TSPAN7: variants seen among roughly 807,000 people sequenced by gnomAD.
The protein encoded by TSPAN7 is tetraspanin-7.
Under a neutral mutation model 17.6 loss-of-function variants are expected in TSPAN7, and 1 was observed. The ratio of observed to expected loss-of-function variants is 0.06; its 90% CI spans 0.02 to 0.27. The LOEUF (loss-of-function observed/expected upper bound fraction) is 0.27. Among genes scored for constraint, TSPAN7 ranks in the 10% least tolerant of loss-of-function variants. TSPAN7 has a pLI of 1.00. For synonymous variants in TSPAN7, 78 were observed against 79.0 expected, an observed-to-expected ratio of 0.99 and a Z score of 0.07; for missense variants, 112 against 201.7, an observed-to-expected ratio of 0.56 and a Z score of 2.69.
chrX:38,584,237 G>A, intron 1 of TSPAN7, among the ~76,000 whole-genome samples: 1 of 110,965 alleles, frequency 9.0e-6, no homozygotes, highest in East Asian at 2.8e-4. Flanking sequence ...ATGGGCATGA[G>A]CCACAGCGCC....
At chrX:38,628,101 C>A (rs1052630702) in intron 1 of TSPAN7, among the ~76,000 whole-genome samples, 22 of 112,943 alleles carry the variant, frequency 1.9e-4, no homozygotes, top group African/African-American at 6.4e-4. Context: ...CTATTGTTTT[C>A]TCCTGAGCAA....
intron 5 of TSPAN7, among the ~76,000 whole-genome samples, chrX:38,680,740 T>G (rs745740868): frequency 9.0e-6 from 1 of 111,678 alleles, no homozygotes; most frequent in African/African-American, 3.3e-5. Context: ...TCATCATTCA[T>G]TGTCAAAATG....
At chrX:38,639,220 T>A (rs1288509254) in intron 1 of TSPAN7, among the ~76,000 whole-genome samples, 14 of 110,440 alleles carry the variant, frequency 1.3e-4, no homozygotes, top group African/African-American at 3.6e-4. Flanking sequence ...TTACTTTACA[T>A]TATTTCATCT....
chrX:38,659,001 T>TACAC (rs71903430), intron 1 of TSPAN7, among the ~76,000 whole-genome samples: 34 of 96,187 alleles, frequency 3.5e-4, no homozygotes, highest in African/African-American at 1.3e-3. Flanking sequence ...TTATCTTCCA[T>TACAC]ACACACACAC....
intron 1 of TSPAN7, among the ~76,000 whole-genome samples, chrX:38,591,958 T>C (rs747689744): frequency 1.8e-4 from 20 of 112,066 alleles, no homozygotes; most frequent in African/African-American, 6.5e-4. Context: ...TTCCACAGGC[T>C]GCATAGGAAG....
At chrX:38,599,376 A>T (rs749856517) in intron 1 of TSPAN7, among the ~76,000 whole-genome samples, 7 of 110,591 alleles carry the variant, frequency 6.3e-5, no homozygotes, top group South Asian at 3.8e-4. Context: ...ACACTTATTT[A>T]AAAAAAAATC....
chrX:38,581,500 C>G (rs370895174), intron 1 of TSPAN7, among the ~76,000 whole-genome samples: 3 of 111,253 alleles, frequency 2.7e-5, no homozygotes, highest in South Asian at 3.9e-4. Context: ...AAAGACCCCC[C>G]CCTCATGATT....
At chrX:38,562,621 T>C (rs1312909309) in intron 1 of TSPAN7, among the ~76,000 whole-genome samples, 5 of 109,860 alleles carry the variant, frequency 4.6e-5, no homozygotes. Context: ...CCTTACCTCA[T>C]CCTGTTTGGC....
intron 1 of TSPAN7, among the ~76,000 whole-genome samples, chrX:38,627,284 T>C (rs1344487617): frequency 1.8e-5 from 2 of 111,290 alleles, no homozygotes; most frequent in Non-Finnish European, 3.8e-5. Flanking sequence ...ACTTGTAAGT[T>C]AAGCCAGTGT....
intron 1 of TSPAN7, among the ~76,000 whole-genome samples, chrX:38,583,388 G>A (rs995532651): frequency 8.9e-6 from 1 of 111,870 alleles, no homozygotes; most frequent in Non-Finnish European, 1.9e-5. Context: ...TAGTACTCAT[G>A]TTGTATCGTA....
chrX:38,641,949 C>G (rs2069614556), intron 1 of TSPAN7, among the ~76,000 whole-genome samples: 1 of 112,228 alleles, frequency 8.9e-6, no homozygotes, highest in Non-Finnish European at 1.9e-5. Context: ...CTGCTACTGC[C>G]TCTTCATTTT....
intron 2 of TSPAN7, among the ~76,000 whole-genome samples, chrX:38,668,614 G>A (rs1289564582): frequency 3.6e-5 from 4 of 111,785 alleles, no homozygotes; most frequent in Admixed American, 9.5e-5. Context: ...TCATGTTGTC[G>A]CAAGTGACAG....
intron 1 of TSPAN7, among the ~76,000 whole-genome samples, chrX:38,575,198 A>G (rs1329166699): frequency 4.5e-5 from 5 of 110,956 alleles, no homozygotes; most frequent in Non-Finnish European, 7.5e-5. Context: ...ATTCTTCCCC[A>G]TTTGTACCTC....
intron 2 of TSPAN7, among the ~76,000 whole-genome samples, chrX:38,666,512 C>T (rs895171808): frequency 1.8e-5 from 2 of 110,983 alleles, no homozygotes; most frequent in African/African-American, 6.6e-5. Flanking sequence ...TAGTCCCAGT[C>T]CCTCTGGGTA....
chrX:38,625,711 G>C (rs1448497715), intron 1 of TSPAN7, among the ~76,000 whole-genome samples: 1 of 111,961 alleles, frequency 8.9e-6, no homozygotes, highest in Admixed American at 9.5e-5. Flanking sequence ...CCAGAGCACA[G>C]GTGAAAGCAT....
intron 1 of TSPAN7, among the ~76,000 whole-genome samples, chrX:38,572,607 T>A: frequency 9.0e-6 from 1 of 111,620 alleles, no homozygotes; most frequent in Non-Finnish European, 1.9e-5. Flanking sequence ...ATCATGATGA[T>A]GTGTAGAACT....
chrX:38,562,532 G>A lies in TSPAN7; in HGVS notation c.81+905G>A, dbSNP rs377217189. On this transcript the variant is annotated intron_variant, in intron 1 of 7. Coordinates refer to ENST00000378482, the MANE Select transcript of TSPAN7 (RefSeq NM_004615.4). The stretch of plus-strand genomic sequence containing the variant: ...GGGCTGCGTGGTGCACCTCGCGGAG[G>A]GATGCGCCTTTCTGCGCGGGGGAGG... Among the ~76,000 whole-genome samples the A allele has an allele frequency of 3.7e-4, 39 of 104,951 alleles. No individual in the cohort carries two copies. In the East Asian group the frequency reaches 4.6e-3, roughly 12 times the overall value. The allele number at this position is 104,951 out of a possible 115,157, so 91.1% of individuals were successfully genotyped here.
chrX:38,685,568 C>T (rs750503780), intron 6 of TSPAN7, among the ~76,000 whole-genome samples: 1 of 111,842 alleles, frequency 8.9e-6, no homozygotes, highest in East Asian at 2.8e-4. Context: ...TGTAGTGAGC[C>T]GAGATTGCAC....
intron 1 of TSPAN7, among the ~76,000 whole-genome samples, chrX:38,631,195 A>G (rs1292013067): frequency 1.0e-5 from 1 of 97,572 alleles, no homozygotes; most frequent in Non-Finnish European, 2.1e-5. Context: ...GGTGCATTTT[A>G]TGGCAGGAAG....
Sources: gnomAD v4.1 joint callset for allele counts (sites outside exome capture counted in the v4.1 genomes callset) on GRCh38, gnomAD v4.1.1 for gene constraint, MANE v1.5 for transcripts, NCBI Gene and HGNC (gene_info 2026-07-23, HGNC 2026-07-21) for gene names.